Variants in GTF2IRD2B observed in about 807,000 individuals in gnomAD.
GTF2IRD2B encodes GTF2I repeat domain containing 2B.
In GTF2IRD2B, 10 loss-of-function variants were observed where a neutral mutation model predicts 55.6. That is an observed-to-expected ratio of 0.18 (90% CI 0.11 to 0.31). The LOEUF (loss-of-function observed/expected upper bound fraction) is 0.31, where lower values mean the gene tolerates loss of function less well. GTF2IRD2B is among the 10% of genes least tolerant of loss of function. The pLI, the probability that GTF2IRD2B is intolerant of heterozygous loss-of-function variation, is 1.00. For synonymous variants in GTF2IRD2B, 107 were observed against 320.5 expected (o/e 0.33, Z 7.12); for missense variants, 206 against 802.7 (o/e 0.26, Z 8.98).
chr7:75,092,736 G>C lies in GTF2IRD2B; in HGVS notation c.-35G>C, dbSNP rs1807282685. On this transcript the variant is annotated 5_prime_UTR_variant, in exon 1 of 16. Transcript: ENST00000472837. ...CGGTGGCCCAGGCCTCGGACTCCGC[G>C]GCCGGCCCGGCGCGGCCCAGCGCCC... 1.3e-5 allele frequency: 2 copies of C among 152,902 alleles called. No homozygotes were observed. The highest frequency in any genetic ancestry group is 4.8e-5 in the African/African-American group (2 of 41,444). The allele number at this position is 152,902 out of a possible 1,614,324, so 9.5% of individuals were successfully genotyped here.
intron 15 of GTF2IRD2B, among the ~76,000 whole-genome samples, chr7:75,147,393 A>G (rs1181043567): frequency 2.0e-5 from 3 of 151,930 alleles, no homozygotes; most frequent in Non-Finnish European, 2.9e-5. Flanking sequence ...AGATTGCGCC[A>G]CTGCACTGCA....
chr7:75,134,437 C>T (rs1415776693), intron 9 of GTF2IRD2B, among the ~76,000 whole-genome samples: 1 of 139,748 alleles, frequency 7.2e-6, no homozygotes, highest in Admixed American at 6.8e-5. Context: ...TCTGATCCAG[C>T]CTTTAGATCT....
intron 8 of GTF2IRD2B, among the ~76,000 whole-genome samples, chr7:75,126,804 C>A (rs1808524975): frequency 6.6e-6 from 1 of 150,548 alleles, no homozygotes; most frequent in African/African-American, 2.4e-5. Flanking sequence ...CAAGACCATC[C>A]TGGCCAACGT....
At position 75,132,848 on chromosome 7, in the gene GTF2IRD2B, C is replaced by T. The variant is rs587624926; in HGVS notation, c.671-287C>T. On this transcript the variant is annotated intron_variant, in intron 8 of 15. Transcript: ENST00000472837. Reference sequence around the variant, plus strand: ...TATTGGAGGCATGAGTCACCGTGCCCGGTCCCCTCCTTCCTTCTTTCCTTT... The same window carrying T: ...TATTGGAGGCATGAGTCACCGTGCCTGGTCCCCTCCTTCCTTCTTTCCTTT... Among the ~76,000 whole-genome samples the T allele has an allele frequency of 4.7e-4, 70 of 148,920 alleles. 1 individual carries two copies. In the East Asian group the frequency reaches 0.01, roughly 21 times the overall value.
At chr7:75,127,319 A>C (rs1808552634) in intron 8 of GTF2IRD2B, among the ~76,000 whole-genome samples, 1 of 151,020 alleles carries the variant, frequency 6.6e-6, no homozygotes, top group Admixed American at 6.6e-5. Context: ...TCTCTGCAAA[A>C]CATATAAAAA....
At chr7:75,130,166 C>CTTCT (rs1161428017) in intron 8 of GTF2IRD2B, among the ~76,000 whole-genome samples, 5 of 68,586 alleles carry the variant, frequency 7.3e-5, no homozygotes, top group Non-Finnish European at 1.6e-4. Flanking sequence ...TCTTTCTTTC[C>CTTCT]TTCTTTCTTT....
At chr7:75,138,763 A>T (rs1808930181) in intron 11 of GTF2IRD2B, among the ~76,000 whole-genome samples, 187 bp from the exon 12 acceptor site, 1 of 84,618 alleles carries the variant, frequency 1.2e-5, no homozygotes, top group Non-Finnish European at 2.3e-5. Flanking sequence ...GAGGTCGAGG[A>T]TGCAGTGAGC....
intron 6 of GTF2IRD2B, chr7:75,123,859 C>A: frequency 2.8e-6 from 1 of 355,166 alleles, no homozygotes; most frequent in Non-Finnish European, 5.5e-6. Context: ...GCCTGGGCGA[C>A]TGAGCAAGAC....
chr7:75,106,320 T>C, intron 1 of GTF2IRD2B, among the ~76,000 whole-genome samples: 1 of 152,220 alleles, frequency 6.6e-6, no homozygotes, highest in Non-Finnish European at 1.5e-5. Context: ...GGAGAATCGC[T>C]TGAACCCGGG....
At chr7:75,117,802 G>A (rs1158621608) in intron 3 of GTF2IRD2B, among the ~76,000 whole-genome samples, 1 of 152,254 alleles carries the variant, frequency 6.6e-6, no homozygotes, top group African/African-American at 2.4e-5. Flanking sequence ...ATATATATCA[G>A]CTGGGTGTGG....
At chr7:75,115,918 C>CTTTT (rs781957846) in intron 3 of GTF2IRD2B, among the ~76,000 whole-genome samples, 2 of 85,466 alleles carry the variant, frequency 2.3e-5, no homozygotes, top group Non-Finnish European at 4.4e-5. Context: ...TCTTTTCTTT[C>CTTTT]TTTTTTTTTT....
intron 1 of GTF2IRD2B, among the ~76,000 whole-genome samples, chr7:75,104,977 C>T (rs1394141419): frequency 5.3e-5 from 8 of 152,284 alleles, no homozygotes; most frequent in East Asian, 1.9e-4. Context: ...GCAGGAAGAT[C>T]GCTTGAGCCC....
chr7:75,103,249 A>G (rs1199719953), intron 1 of GTF2IRD2B, among the ~76,000 whole-genome samples: 1 of 151,980 alleles, frequency 6.6e-6, no homozygotes, highest in African/African-American at 2.4e-5. Flanking sequence ...ACTGCACTCC[A>G]GCCTGGGTGA....
Position 75,123,840 on chromosome 7 carries a change from T to G in GTF2IRD2B, c.571+324T>G, listed in dbSNP as rs1391551422. The G allele has an allele frequency of 7.8e-4, 292 of 374,786 alleles. 9 individuals carry two copies. Among genetic ancestry groups the G allele is most frequent in the Non-Finnish European group, 1.3e-3 (251 of 193,052 alleles). The allele number at this position is 374,786 out of a possible 1,614,324, so 23.2% of individuals were successfully genotyped here. On this transcript the variant is annotated intron_variant, in intron 6 of 15. Coordinates refer to ENST00000472837, the MANE Select transcript of GTF2IRD2B (RefSeq NM_001003795.3). ...TTGCAGTGAGCGGAGATCGCGCCAC[T>G]GCACTCCAGCCTGGGCGACTGAGCA... is the stretch of plus-strand genomic sequence containing the variant.
chr7:75,115,918 CTTTTTT>C (rs781957846), intron 3 of GTF2IRD2B, among the ~76,000 whole-genome samples: 1 of 85,470 alleles, frequency 1.2e-5, no homozygotes, highest in Non-Finnish European at 2.2e-5. Flanking sequence ...TCTTTTCTTT[CTTTTTT>C]TTTTTTTTTT....
intron 4 of GTF2IRD2B, among the ~76,000 whole-genome samples, chr7:75,121,481 A>C (rs2523366): frequency 0.089 from 12,429 of 139,250 alleles, 6 homozygotes; most frequent in African/African-American, 0.3. Context: ...TTTTTCTGAG[A>C]GGAGTCTTGC....
At chr7:75,126,869 C>T (rs1303306067) in intron 8 of GTF2IRD2B, among the ~76,000 whole-genome samples, 1 of 148,002 alleles carries the variant, frequency 6.8e-6, no homozygotes, top group South Asian at 2.1e-4. Flanking sequence ...TGGTCGTGTG[C>T]GCCTGTAGTC....
At chr7:75,119,674 T>C (rs1554451732) in intron 3 of GTF2IRD2B, among the ~76,000 whole-genome samples, 1 of 142,186 alleles carries the variant, frequency 7.0e-6, no homozygotes, top group East Asian at 2.0e-4. Context: ...AACAAAAACA[T>C]GGTCATAGAG....
At chr7:75,130,171 T>C (rs1437510826) in intron 8 of GTF2IRD2B, among the ~76,000 whole-genome samples, 1 of 99,880 alleles carries the variant, frequency 1.0e-5, no homozygotes, top group African/African-American at 3.7e-5. Context: ...CTTTCCTTCT[T>C]TCTTTCTTTC....
Sources: gnomAD v4.1 joint callset for allele counts (sites outside exome capture counted in the v4.1 genomes callset) on GRCh38, gnomAD v4.1.1 for gene constraint, MANE v1.5 for transcripts, NCBI Gene and HGNC (gene_info 2026-07-23, HGNC 2026-07-21) for gene names.